The following EPHA6 variants were observed in gnomAD, a reference collection of about 807,000 sequenced individuals.
EPHA6 encodes the protein ephrin type-A receptor 6.
Under a neutral mutation model 112.0 loss-of-function variants are expected in EPHA6, and 50 were observed. The observed-to-expected ratio is 0.45, with a 90% CI of 0.36 to 0.56. The LOEUF is 0.56. Ranked by LOEUF, EPHA6 falls within the 20% of genes least tolerant of loss-of-function variation. EPHA6 has a pLI of 0.00. For synonymous variants in EPHA6, 529 were observed against 490.7 expected (o/e 1.08, Z -1.03); for missense variants, 1,280 against 1,417.4 (o/e 0.90, Z 1.56).
intron 3 of EPHA6, among the ~76,000 whole-genome samples, chr3:97,185,807 C>G (rs897577007): frequency 1.3e-5 from 2 of 152,022 alleles, no homozygotes; most frequent in Non-Finnish European, 2.9e-5. Flanking sequence ...AGACTTGGAA[C>G]CAAGCCAAAT....
chr3:97,244,350 T>C (rs767121687), intron 5 of EPHA6, 63 bp downstream of exon 5: 1 of 1,383,480 alleles, frequency 7.2e-7, no homozygotes, highest in South Asian at 1.2e-5. Context: ...TAAATATCCC[T>C]CATGGGCATG....
chr3:96,872,662 T>C (rs1303552908), intron 2 of EPHA6, among the ~76,000 whole-genome samples: 1 of 152,092 alleles, frequency 6.6e-6, no homozygotes, highest in Non-Finnish European at 1.5e-5. Flanking sequence ...ACTCCACTGT[T>C]ATTGCTTGCA....
intron 11 of EPHA6, among the ~76,000 whole-genome samples, chr3:97,586,169 G>T (rs962110440): frequency 2.6e-5 from 4 of 152,138 alleles, no homozygotes; most frequent in Admixed American, 6.5e-5. Flanking sequence ...CCAGATCTGT[G>T]CATCTTCTGG....
chr3:97,335,288 A>G (rs1267780821), intron 5 of EPHA6, among the ~76,000 whole-genome samples: 1 of 152,128 alleles, frequency 6.6e-6, no homozygotes, highest in Non-Finnish European at 1.5e-5. Flanking sequence ...TTAAGGTTAT[A>G]GGAAGAAGGC....
intron 2 of EPHA6, among the ~76,000 whole-genome samples, chr3:96,891,737 G>A (rs909220414): frequency 2.0e-5 from 3 of 151,952 alleles, no homozygotes; most frequent in African/African-American, 7.2e-5. Flanking sequence ...AAAAATAAAT[G>A]CTGGTGATAT....
intron 2 of EPHA6, among the ~76,000 whole-genome samples, chr3:96,982,043 T>C (rs1576241138): frequency 1.3e-5 from 2 of 152,192 alleles, no homozygotes; most frequent in East Asian, 3.8e-4. Flanking sequence ...GTTTTTTGTG[T>C]CTCTATCTCC....
chr3:97,481,188 C>T (rs2091533163), intron 9 of EPHA6: 2 of 1,043,726 alleles, frequency 1.9e-6, no homozygotes, highest in Admixed American at 1.7e-5. Flanking sequence ...GAACAATTTC[C>T]TCATGAAGTA....
chr3:97,050,088 C>G (rs188930644), intron 3 of EPHA6, among the ~76,000 whole-genome samples: 1 of 152,142 alleles, frequency 6.6e-6, no homozygotes, highest in Non-Finnish European at 1.5e-5. Flanking sequence ...TTTTCTTCTG[C>G]TAATCTCTCT....
Position 97,610,848 on chromosome 3 carries a change from T to C in EPHA6, c.2568T>C (p.Phe856=), listed in dbSNP as rs760734816. ...EYMENGSLDS[F]LRKHDGHFTV... ...TGGAGAATGGATCCCTAGACTCCTT[T>C]TTGCGGGTGAGGTGTTCTTTTCTGA... Residue 856 remains phenylalanine, a synonymous_variant, in exon 13 of 18, where the codon TTT becomes TTC. Coordinates refer to ENST00000389672, the MANE Select transcript of EPHA6 (RefSeq NM_001080448.3). The C allele has an allele frequency of 1.7e-5, 27 of 1,610,548 alleles. 1 individual carries two copies. The South Asian group carries it at 2.8e-4, about 16-fold the overall frequency.
At chr3:97,574,107 A>C (rs2093360087) in intron 11 of EPHA6, among the ~76,000 whole-genome samples, 1 of 152,146 alleles carries the variant, frequency 6.6e-6, no homozygotes, top group South Asian at 2.1e-4. Context: ...TAAGCAACTC[A>C]AAAGAAAGTT....
intron 5 of EPHA6, among the ~76,000 whole-genome samples, chr3:97,297,277 T>G (rs985496490): frequency 2.0e-5 from 3 of 152,208 alleles, no homozygotes; most frequent in African/African-American, 7.2e-5. Flanking sequence ...CTTCAGGTAT[T>G]TCCTGTCATG....
chr3:97,172,156 G>C (rs2076721182), intron 3 of EPHA6, among the ~76,000 whole-genome samples: 1 of 152,030 alleles, frequency 6.6e-6, no homozygotes, highest in Non-Finnish European at 1.5e-5. Flanking sequence ...AGTTTACAGT[G>C]AGGCATTGGT....
intron 14 of EPHA6, among the ~76,000 whole-genome samples, chr3:97,647,854 A>G (rs2107599456): frequency 6.6e-6 from 1 of 152,248 alleles, no homozygotes; most frequent in East Asian, 1.9e-4. Flanking sequence ...CTTACATTGA[A>G]AATGCTAAGC....
intron 1 of EPHA6, among the ~76,000 whole-genome samples, chr3:96,829,944 C>T (rs917785283): frequency 4.7e-5 from 5 of 106,644 alleles, no homozygotes; most frequent in Admixed American, 1.2e-4. Flanking sequence ...CATGTGCGCG[C>T]GCGCGCACAC....
intron 3 of EPHA6, among the ~76,000 whole-genome samples, chr3:97,102,626 T>A (rs1239220612): frequency 6.6e-6 from 1 of 152,146 alleles, no homozygotes; most frequent in African/African-American, 2.4e-5. Flanking sequence ...TATGCTCTTT[T>A]GGGTATATAC....
chr3:97,024,167 G>A (rs1471293358), intron 3 of EPHA6, among the ~76,000 whole-genome samples: 1 of 152,050 alleles, frequency 6.6e-6, no homozygotes, highest in Non-Finnish European at 1.5e-5. Flanking sequence ...GAGTAGAGCA[G>A]TAAATGGAAT....
intron 15 of EPHA6, among the ~76,000 whole-genome samples, chr3:97,726,449 C>T (rs555486946): frequency 6.6e-6 from 1 of 152,154 alleles, no homozygotes; most frequent in South Asian, 2.1e-4. Flanking sequence ...TAAATATTTT[C>T]TGCAGGATTT....
At chr3:97,069,488 G>A (rs747759607) in intron 3 of EPHA6, among the ~76,000 whole-genome samples, 8 of 152,066 alleles carry the variant, frequency 5.3e-5, no homozygotes, top group Non-Finnish European at 7.4e-5. Context: ...AACCCTAAGG[G>A]TGTTGCATGT....
rs2047959963 is a variant in EPHA6, at chr3:97,118,645, G to C, written c.1115-107619G>C. Among the ~76,000 whole-genome samples the C allele has an allele frequency of 1.3e-5, 2 of 151,778 alleles. 1 individual carries two copies. Among genetic ancestry groups the C allele is most frequent in the Admixed American group, 1.3e-4 (2 of 15,166 alleles). On this transcript the variant is annotated intron_variant, in intron 3 of 17. Coordinates refer to ENST00000389672, the MANE Select transcript of EPHA6 (RefSeq NM_001080448.3). ...TACTAGGATCCATTTGTATAGGGTAGAACTTGTATATTTAAGAATCACACA... is the reference window on the plus strand; with the variant it reads ...TACTAGGATCCATTTGTATAGGGTACAACTTGTATATTTAAGAATCACACA...
Sources: gnomAD v4.1 joint callset for allele counts (sites outside exome capture counted in the v4.1 genomes callset) on GRCh38, gnomAD v4.1.1 for gene constraint, MANE v1.5 for transcripts, NCBI Gene and HGNC (gene_info 2026-07-23, HGNC 2026-07-21) for gene names.